Variants in ZNF544 observed in about 807,000 individuals in gnomAD.
The protein encoded by ZNF544 is zinc finger protein 544.
Under a neutral mutation model 13.5 loss-of-function variants are expected in ZNF544, and 10 were observed. The observed-to-expected ratio is 0.74, with a 90% CI of 0.46 to 1.25. The LOEUF is 1.25. Among genes scored for constraint, ZNF544 ranks in the 50% most tolerant of loss-of-function variants. The pLI is 0.00. For missense variants in ZNF544, 896 were observed against 845.6 expected (o/e 1.06, Z -0.74); for synonymous variants, 323 against 300.5 (o/e 1.07, Z -0.77).
At chr19:58,268,751 G>A (rs1375261664), downstream of ZNF544, among the ~76,000 whole-genome samples, 2 of 152,218 alleles carry the variant, frequency 1.3e-5, no homozygotes, top group East Asian at 1.9e-4. Flanking sequence ...AGATATGGAA[G>A]GAGCATAGGC....
chr19:58,267,841 C>G (rs937608667), downstream of ZNF544, among the ~76,000 whole-genome samples: 9 of 150,742 alleles, frequency 6.0e-5, no homozygotes, highest in Non-Finnish European at 8.8e-5. Context: ...ATTAGCTGGG[C>G]ATGGTGGCGG....
chr19:58,265,875 T>C (rs888521523), downstream of ZNF544, among the ~76,000 whole-genome samples: 6 of 151,068 alleles, frequency 4.0e-5, no homozygotes, highest in Non-Finnish European at 7.4e-5. Flanking sequence ...GCATGAGCCA[T>C]AGTGCATACT....
chr19:58,232,773 A>T (rs260442), intron 3 of ZNF544, among the ~76,000 whole-genome samples: 2 of 128,730 alleles, frequency 1.6e-5, no homozygotes, highest in Admixed American at 1.7e-4. Context: ...ACTAAAAAAA[A>T]AAAAAAAAAA....
At chr19:58,238,064 C>G (rs1329165592) in intron 3 of ZNF544, among the ~76,000 whole-genome samples, 1 of 152,204 alleles carries the variant, frequency 6.6e-6, no homozygotes, top group East Asian at 1.9e-4. Context: ...TCCTGAGTAG[C>G]TGGGATTACA....
chr19:58,266,960 T>G (rs2049996464), downstream of ZNF544: 1 of 152,250 alleles, frequency 6.6e-6, no homozygotes, highest in South Asian at 2.1e-4. Flanking sequence ...TGCTTTCTGA[T>G]AGTCTCTTCA....
rs1256856964 is a variant in ZNF544 at position 58,229,531 on chromosome 19, G to A, written c.-168G>A. On this transcript the variant is annotated 5_prime_UTR_variant, in exon 2 of 7. Transcript: ENST00000687789. ...AGGTGACGCCTATTGGACCCCAGAGGTCATCCCAGCTCCAGACGTGGACAC... is the reference window on the plus strand; with the variant it reads ...AGGTGACGCCTATTGGACCCCAGAGATCATCCCAGCTCCAGACGTGGACAC... 4 of 152,366 alleles carry A rather than the reference G, an allele frequency of 2.6e-5. No homozygotes were observed. Among genetic ancestry groups the A allele is most frequent in the Non-Finnish European group, 4.4e-5 (3 of 68,132 alleles). The allele number at this position is 152,366 out of a possible 1,614,324, so 9.4% of individuals were successfully genotyped here. A position where few individuals can be genotyped will look rare whatever the true frequency, so the allele number is the denominator to read the frequency against.
chr19:58,254,441 C>G (rs1469844766), intron 6 of ZNF544, among the ~76,000 whole-genome samples: 24 of 152,150 alleles, frequency 1.6e-4, no homozygotes, highest in Non-Finnish European at 1.5e-5. Flanking sequence ...TGGAGTGTTT[C>G]CTATTATTGT....
In ZNF544 at chr19:58,260,898, C is replaced by T. The variant is rs758463217; in HGVS notation, c.292C>T (p.Arg98Ter). 23 of 1,610,478 alleles carry T rather than the reference C, an allele frequency of 1.4e-5. No individual in the cohort carries two copies. Among genetic ancestry groups the T allele is most frequent in the South Asian group, 2.2e-5 (2 of 90,390 alleles). The change falls in exon 7 of 7, where the codon CGA (arginine) becomes TGA (stop). Residue 98 changes from arginine (R) to a stop codon, truncating the protein, a stop_gained. Coordinates refer to ENST00000687789, the MANE Select transcript of ZNF544 (RefSeq NM_014480.4). LOFTEE classifies it low-confidence loss of function (END_TRUNC). ...GAATAGGTTGAATTCTGAAAAAGAT[C>T]GAGCTAGGGAAGAACTATCCCACCA... The part of the protein sequence containing the change: ...EENRLNSEKD[R>*]AREELSHHVE...
At chr19:58,267,354 A>C (rs1429841037), downstream of ZNF544, among the ~76,000 whole-genome samples, 1 of 150,924 alleles carries the variant, frequency 6.6e-6, no homozygotes, top group Non-Finnish European at 1.5e-5. Context: ...GAGCCACCGC[A>C]CCCAGCAGAA....
At chr19:58,250,341 G>GT (rs1452613268) in intron 6 of ZNF544, among the ~76,000 whole-genome samples, 2 of 152,214 alleles carry the variant, frequency 1.3e-5, no homozygotes, top group Non-Finnish European at 2.9e-5. Flanking sequence ...ATCCAGAGGT[G>GT]TTTCGTACTG....
rs776836561 is a variant in ZNF544, at chr19:58,261,444, A to G, written c.838A>G (p.Ser280Gly). The G allele has an allele frequency of 1.9e-6, 3 of 1,614,234 alleles. No individual in the cohort carries two copies. The highest frequency in any genetic ancestry group is 2.5e-6 in the Non-Finnish European group (3 of 1,180,038). ...DDCKDYGNLF[S>G]HSVSLNEQKP... ...CTGTAAGGATTATGGAAACCTCTTC[A>G]GTCACAGTGTGTCTCTGAATGAACA... The change falls in exon 7 of 7, where the codon AGT becomes GGT. Residue 280 changes from serine (S) to glycine (G), a missense_variant. Ser to Gly is a moderately conservative substitution (Grantham distance 56). Transcript: ENST00000687789.
At chr19:58,270,551 T>C (rs2449629) in intron 5 of ZNF544, among the ~76,000 whole-genome samples, 79,694 of 151,930 alleles carry the variant, frequency 0.52, 21,258 homozygotes, top group Middle Eastern at 0.64. Context: ...CCGCCCACCT[T>C]GGCATCCCAA....
At chr19:58,246,533 C>A in intron 5 of ZNF544, 106 bp downstream of exon 5, 5 of 1,539,106 alleles carry the variant, frequency 3.2e-6, no homozygotes, top group Non-Finnish European at 4.4e-6. Flanking sequence ...GAAGCAGGTC[C>A]CTTTCAGGTG....
downstream of ZNF544, among the ~76,000 whole-genome samples, chr19:58,268,248 G>A (rs866599745): frequency 8.5e-5 from 13 of 152,130 alleles, no homozygotes; most frequent in African/African-American, 7.2e-5. Flanking sequence ...GCAGTGAGCC[G>A]AGGTCTAGTG....
At chr19:58,272,180 A>G (rs1043867976) in intron 5 of ZNF544, among the ~76,000 whole-genome samples, 1 of 141,318 alleles carries the variant, frequency 7.1e-6, no homozygotes, top group African/African-American at 2.6e-5. Context: ...AAAAAAAAAA[A>G]GCATAAAGAA....
Position 58,263,495 on chromosome 19 carries a change from A to G in ZNF544, c.*741A>G. The G allele has an allele frequency of 1.0e-6, 1 of 985,344 alleles. No individual in the cohort carries two copies. The highest frequency in any genetic ancestry group is 1.2e-6 in the Non-Finnish European group (1 of 829,934). The allele number at this position is 985,344 out of a possible 1,614,324, so 61.0% of individuals were successfully genotyped here. ...CCAAGATGGGAAATTTCCCTGCCAG[A>G]CCTTGTTTACTAGAAATCAGGTGGC... On this transcript the variant is annotated 3_prime_UTR_variant, in exon 7 of 7. Transcript: ENST00000687789.
At chr19:58,250,328 A>G (rs2046092780) in intron 6 of ZNF544, among the ~76,000 whole-genome samples, 1 of 152,220 alleles carries the variant, frequency 6.6e-6, no homozygotes, top group Non-Finnish European at 1.5e-5. Context: ...TCTACCAACA[A>G]GCATCCAGAG....
chr19:58,264,046 G>C (rs1452581744), downstream of ZNF544: 1 of 147,466 alleles, frequency 6.8e-6, no homozygotes, highest in African/African-American at 2.5e-5. Context: ...AGTGAGCTGA[G>C]ATCACACTAC....
At chr19:58,259,076 A>T (rs540599417) in intron 6 of ZNF544, 8 of 152,330 alleles carry the variant, frequency 5.3e-5, no homozygotes, top group Admixed American at 2.6e-4. Context: ...TAAATCTTGT[A>T]GGCTAAACAT....
Sources: gnomAD v4.1 joint callset for allele counts (sites outside exome capture counted in the v4.1 genomes callset) on GRCh38, gnomAD v4.1.1 for gene constraint, MANE v1.5 for transcripts, NCBI Gene and HGNC (gene_info 2026-07-23, HGNC 2026-07-21) for gene names.